Variants in CACNA2D3 observed in about 807,000 individuals in gnomAD.
CACNA2D3 encodes the protein voltage-dependent calcium channel subunit alpha-2/delta-3.
Under a neutral mutation model 160.6 loss-of-function variants are expected in CACNA2D3, and 60 were observed. The observed-to-expected ratio is 0.37, with a 90% CI of 0.30 to 0.46. CACNA2D3 has a LOEUF of 0.46. CACNA2D3 is among the 20% of genes least tolerant of loss of function. The pLI is 1.00. For missense variants in CACNA2D3, 1,205 were observed against 1,365.0 expected (o/e 0.88, Z 1.85); for synonymous variants, 558 against 492.9 (o/e 1.13, Z -1.75).
At chr3:54,784,087 T>C (rs1702585361) in intron 13 of CACNA2D3, among the ~76,000 whole-genome samples, 2 of 152,216 alleles carry the variant, frequency 1.3e-5, no homozygotes, top group African/African-American at 2.4e-5. Context: ...GCATTTTTAA[T>C]GACTTTGTAT....
intron 4 of CACNA2D3, among the ~76,000 whole-genome samples, chr3:54,401,611 A>G (rs947254920): frequency 2.3e-4 from 35 of 152,202 alleles, no homozygotes; most frequent in African/African-American, 8.2e-4. Context: ...TAAAGTACTG[A>G]AAGGAAAAAG....
chr3:54,918,974 C>A, intron 27 of CACNA2D3: 1 of 1,174,044 alleles, frequency 8.5e-7, no homozygotes, highest in Non-Finnish European at 1.1e-6. Context: ...AAAACTTAGG[C>A]AGATGGAATT....
chr3:54,740,815 G>A (rs1701634425), intron 11 of CACNA2D3, among the ~76,000 whole-genome samples: 1 of 152,200 alleles, frequency 6.6e-6, no homozygotes, highest in Non-Finnish European at 1.5e-5. Flanking sequence ...AAGAACTTGG[G>A]AAAAGGCAAC....
At position 54,804,122 on chromosome 3, in the gene CACNA2D3, C is replaced by G. The variant is rs551479079; in HGVS notation, c.1381-12731C>G. ...AATCATGCCAAAATGTAAAGACCAT[C>G]GAGACTAGGAAGAAACTGCATCAAC... On this transcript the variant is annotated intron_variant, in intron 13 of 37. Coordinates refer to ENST00000474759, the MANE Select transcript of CACNA2D3 (RefSeq NM_018398.3). Among the ~76,000 whole-genome samples the G allele has an allele frequency of 1.6e-4, 25 of 152,058 alleles. 1 individual carries two copies. The South Asian group carries it at 2.7e-3, about 16-fold the overall frequency.
intron 14 of CACNA2D3, among the ~76,000 whole-genome samples, chr3:54,822,434 G>A (rs919631475): frequency 1.3e-5 from 2 of 152,180 alleles, no homozygotes; most frequent in African/African-American, 4.8e-5. Context: ...CCATAGTTCT[G>A]TATGAGTGTG....
chr3:54,823,366 TTTA>T (rs1326758564), intron 14 of CACNA2D3, among the ~76,000 whole-genome samples: 1 of 151,666 alleles, frequency 6.6e-6, no homozygotes, highest in East Asian at 1.9e-4. Context: ...AATATTACAT[TTTA>T]TTATTAACTT....
chr3:54,886,435 A>G (rs976667681), intron 23 of CACNA2D3, among the ~76,000 whole-genome samples: 1 of 152,218 alleles, frequency 6.6e-6, no homozygotes, highest in South Asian at 2.1e-4. Context: ...AAACAAAAGT[A>G]TAGAGACAAT....
intron 2 of CACNA2D3, among the ~76,000 whole-genome samples, chr3:54,214,469 A>T (rs1220115749): frequency 1.3e-5 from 2 of 152,184 alleles, no homozygotes; most frequent in Admixed American, 1.3e-4. Flanking sequence ...ATCTGGAGCC[A>T]AAGGGCAGGA....
Position 55,004,843 on chromosome 3 carries a change from G to A in CACNA2D3, c.2766+5G>A, listed in dbSNP as rs752340906. ...GGCGCCCATGGCCTCCTGGATGTAA[G>A]TACTATGCTGTCACTCAGAAAACAG... On this transcript the variant is annotated splice_donor_5th_base_variant and intron_variant, in intron 32 of 37. Transcript: ENST00000474759. 2 of 1,604,848 alleles carry A rather than the reference G, an allele frequency of 1.2e-6. No homozygotes were observed. Among genetic ancestry groups the A allele is most frequent in the South Asian group, 1.1e-5 (1 of 90,766 alleles).
chr3:54,658,134 A>C (rs1454762839), intron 11 of CACNA2D3, among the ~76,000 whole-genome samples: 3 of 152,270 alleles, frequency 2.0e-5, no homozygotes, highest in Admixed American at 1.3e-4. Context: ...ATAGTGCTGC[A>C]GTGAACATGG....
intron 10 of CACNA2D3, among the ~76,000 whole-genome samples, chr3:54,631,027 T>A (rs1402165998): frequency 2.0e-5 from 3 of 151,988 alleles, no homozygotes; most frequent in Non-Finnish European, 4.4e-5. Flanking sequence ...CATGGTGAAA[T>A]CCCGTCTCTA....
chr3:54,960,908 C>G (rs1279439258), intron 27 of CACNA2D3, among the ~76,000 whole-genome samples: 3 of 152,166 alleles, frequency 2.0e-5, no homozygotes, highest in South Asian at 4.1e-4. Context: ...AACAGACCTC[C>G]GGAATGGGCT....
intron 3 of CACNA2D3, among the ~76,000 whole-genome samples, chr3:54,378,723 T>TG (rs1277200587): frequency 6.6e-6 from 1 of 152,222 alleles, no homozygotes; most frequent in Non-Finnish European, 1.5e-5. Flanking sequence ...CTTGGTCATT[T>TG]GGAAAAATTA....
chr3:54,941,068 A>G (rs1701453862), intron 27 of CACNA2D3, among the ~76,000 whole-genome samples: 2 of 152,188 alleles, frequency 1.3e-5, no homozygotes, highest in Non-Finnish European at 2.9e-5. Context: ...CAAATCAAAC[A>G]CTGGACTAGG....
At chr3:54,924,517 C>A in intron 27 of CACNA2D3, 1 of 963,870 alleles carries the variant, frequency 1.0e-6, no homozygotes, top group Non-Finnish European at 1.6e-6. Flanking sequence ...CCAAATCCAC[C>A]CCTTACACAC....
chr3:54,248,187 C>T (rs898354512), intron 2 of CACNA2D3, among the ~76,000 whole-genome samples: 1 of 151,990 alleles, frequency 6.6e-6, no homozygotes, highest in African/African-American at 2.4e-5. Flanking sequence ...AAGGGTGGAG[C>T]CTGGCTGGGC....
chr3:54,568,287 C>A (rs1702440286), intron 6 of CACNA2D3, among the ~76,000 whole-genome samples: 1 of 152,184 alleles, frequency 6.6e-6, no homozygotes, highest in Non-Finnish European at 1.5e-5. Context: ...GCGTTTGAAT[C>A]TGCAGCAGAG....
chr3:54,626,243 C>T, intron 9 of CACNA2D3: 1 of 1,092,112 alleles, frequency 9.2e-7, no homozygotes, highest in Non-Finnish European at 1.4e-6. Flanking sequence ...AAGAAGCAGA[C>T]CTTCCGCAGG....
At chr3:55,045,292 C>A (rs999004362) in intron 35 of CACNA2D3, among the ~76,000 whole-genome samples, 2 of 152,146 alleles carry the variant, frequency 1.3e-5, no homozygotes, top group African/African-American at 4.8e-5. Flanking sequence ...TCAGGTGATC[C>A]ACCCACCTCG....
Sources: allele counts gnomAD v4.1 joint callset (sites outside exome capture counted in the v4.1 genomes callset), GRCh38; gene constraint gnomAD v4.1.1; transcripts MANE v1.5; gene names NCBI Gene and HGNC (gene_info 2026-07-23, HGNC 2026-07-21).